ZNF143: variants seen among roughly 807,000 people sequenced by gnomAD.
The protein encoded by ZNF143 is SPH-binding factor.
A neutral mutation model predicts 74.1 loss-of-function variants in ZNF143; 49 were observed. The observed-to-expected ratio is 0.66, with a 90% CI of 0.53 to 0.84. The LOEUF (loss-of-function observed/expected upper bound fraction) is 0.84, where lower values mean the gene tolerates loss of function less well. Among genes scored for constraint, ZNF143 ranks in the 40% least tolerant of loss-of-function variants. The probability of loss-of-function intolerance (pLI) is 0.00; values close to 1 mark genes in which losing one functional copy is unlikely to be tolerated. For synonymous variants in ZNF143, 304 were observed against 282.8 expected (o/e 1.07, Z -0.75); for missense variants, 637 against 793.4 (o/e 0.80, Z 2.37).
At chr11:9,509,355 G>A (rs1027189343) in intron 12 of ZNF143, among the ~76,000 whole-genome samples, 1 of 152,132 alleles carries the variant, frequency 6.6e-6, no homozygotes, top group Admixed American at 6.5e-5. Flanking sequence ...CACTAGAGAA[G>A]TACTCCCAAA....
chr11:9,466,508 G>C (rs947256926), intron 1 of ZNF143, among the ~76,000 whole-genome samples: 39 of 138,550 alleles, frequency 2.8e-4, no homozygotes, highest in East Asian at 1.3e-3. Flanking sequence ...GTTGGCCAGG[G>C]TGGTCTCGAA....
chr11:9,474,039 T>A lies in ZNF143; in HGVS notation c.289+15T>A. On this transcript the variant is annotated intron_variant, in intron 4 of 15. Transcript: ENST00000396602. ...ACCTAAAAGTAGTAAGTATTTAAGATAACAGCACGGGAAACCATTTTAATT... is the reference window on the plus strand; with the variant it reads ...ACCTAAAAGTAGTAAGTATTTAAGAAAACAGCACGGGAAACCATTTTAATT... The A allele has an allele frequency of 6.3e-7, 1 of 1,587,720 alleles. No homozygotes were observed. Among genetic ancestry groups the A allele is most frequent in the Middle Eastern group, 1.8e-4 (1 of 5,444 alleles).
intron 7 of ZNF143, among the ~76,000 whole-genome samples, chr11:9,480,818 C>G (rs1056579394): frequency 1.2e-4 from 18 of 149,600 alleles, no homozygotes; most frequent in Non-Finnish European, 2.1e-4. Flanking sequence ...ACCCAGGAGG[C>G]AGAGGTTGCA....
At chr11:9,512,165 A>G (rs929910480) in intron 12 of ZNF143, among the ~76,000 whole-genome samples, 3 of 152,152 alleles carry the variant, frequency 2.0e-5, no homozygotes, top group Non-Finnish European at 4.4e-5. Flanking sequence ...CACATATAGT[A>G]TCAAGTAATT....
At chr11:9,527,464 T>A (rs1849169812) in intron 15 of ZNF143, 66 bp from the exon 16 acceptor site, 2 of 1,474,296 alleles carry the variant, frequency 1.4e-6, no homozygotes, top group South Asian at 2.3e-5. Context: ...ATATAACATT[T>A]CTTTGGCATT....
chr11:9,474,593 A>G lies in ZNF143; in HGVS notation c.333A>G (p.Leu111=). The change falls in exon 5 of 16, where the codon TTA becomes TTG. Residue 111 remains leucine (L), a synonymous_variant. Coordinates refer to ENST00000396602, the MANE Select transcript of ZNF143 (RefSeq NM_003442.6). ...LRLEDGQAVQ[L]EDGTTAFIHH... is the part of the protein sequence containing the mutation. The stretch of plus-strand genomic sequence containing the variant: ...TAGAGGATGGTCAAGCAGTACAGTT[A>G]GAAGATGGTACCACAGCATTTATTC... 6.2e-7 allele frequency: 1 copy of G among 1,614,214 alleles called. No homozygotes were observed. The highest frequency in any genetic ancestry group is 8.5e-7 in the Non-Finnish European group (1 of 1,180,038).
At chr11:9,511,352 A>C (rs1005327892) in intron 12 of ZNF143, among the ~76,000 whole-genome samples, 2 of 151,824 alleles carry the variant, frequency 1.3e-5, no homozygotes, top group African/African-American at 4.8e-5. Flanking sequence ...GCTGGAGTGC[A>C]GTGGTGCAAT....
In ZNF143 at chr11:9,472,782, C is replaced by T. The variant is rs1401134240; in HGVS notation, c.205+13C>T. 1.9e-6 allele frequency: 3 copies of T among 1,538,568 alleles called. No individual in the cohort carries two copies. Among genetic ancestry groups the T allele is most frequent in the Admixed American group, 2.2e-5 (1 of 46,338 alleles). ...CACAATTCTAAAGGTATGTGCCTCACATATGGCTGATTGGTTAATACCAGT... is the reference window on the plus strand; with the variant it reads ...CACAATTCTAAAGGTATGTGCCTCATATATGGCTGATTGGTTAATACCAGT... On this transcript the variant is annotated intron_variant, in intron 3 of 15. Transcript: ENST00000396602.
At position 9,494,694 on chromosome 11, in the gene ZNF143, A is replaced by G. The variant is rs1384362564; in HGVS notation, c.694A>G (p.Ser232Gly). 1 of 1,613,306 alleles carries G rather than the reference A, an allele frequency of 6.2e-7. No individual in the cohort carries two copies. The highest frequency in any genetic ancestry group is 1.7e-5 in the Admixed American group (1 of 60,000). The change falls in exon 8 of 16, where the codon AGT becomes GGT. Residue 232 changes from serine (S) to glycine (G), a missense_variant. Coordinates refer to ENST00000396602, the MANE Select transcript of ZNF143 (RefSeq NM_003442.6). ...AAGAGTAACTGCTAAATCTCAACAG[A>G]GTGGAGAGAAGGCATTTCGATGTGA... The part of the protein sequence containing the change: ...ATRVTAKSQQ[S>G]GEKAFRCEYD...
chr11:9,476,351 T>C (rs1341086291), intron 5 of ZNF143, among the ~76,000 whole-genome samples: 1 of 152,102 alleles, frequency 6.6e-6, no homozygotes, highest in Non-Finnish European at 1.5e-5. Context: ...GTTACTACTT[T>C]AGAGAATATT....
chr11:9,461,999 T>C (rs1565014504), intron 1 of ZNF143: 1 of 152,232 alleles, frequency 6.6e-6, no homozygotes, highest in Non-Finnish European at 1.5e-5. Flanking sequence ...TCCTGAATCT[T>C]ACCAGAAGAT....
At chr11:9,502,923 T>C (rs1247270670) in intron 11 of ZNF143, among the ~76,000 whole-genome samples, 2 of 152,038 alleles carry the variant, frequency 1.3e-5, no homozygotes, top group Non-Finnish European at 2.9e-5. Context: ...CTCCGCCTCC[T>C]GGGTTCACAC....
chr11:9,517,977 T>C (rs770462348), intron 14 of ZNF143, among the ~76,000 whole-genome samples: 25 of 152,284 alleles, frequency 1.6e-4, no homozygotes, highest in Non-Finnish European at 2.9e-4. Flanking sequence ...TCACACTATA[T>C]ACACACACTA....
intron 13 of ZNF143, among the ~76,000 whole-genome samples, chr11:9,513,703 C>G (rs11042402): frequency 0.05 from 7,682 of 152,272 alleles, 268 homozygotes; most frequent in South Asian, 0.075. Context: ...TGAGACCAGC[C>G]TGGCCAATGT....
In ZNF143 at chr11:9,510,147, T is replaced by C. The variant is rs1423762939; in HGVS notation, c.1375+1301T>C. ...TTTTTTTTTTTTTTTATTTTTGAGA[T>C]GGAGTCTCGCTCTGTTGCCCAGGCT... On this transcript the variant is annotated intron_variant, in intron 12 of 15. Transcript: ENST00000396602. Among the ~76,000 whole-genome samples, 4 of 150,710 alleles carry C rather than the reference T, an allele frequency of 2.7e-5. No individual in the cohort carries two copies. The East Asian group carries it at 7.7e-4, about 29-fold the overall frequency.
rs1849198523 is a variant in ZNF143, at chr11:9,528,400, T to A, written c.*787T>A. ...ACAGTACTGTAATTGGAAATGGCTT[T>A]ACTCTGAAAATTAGGTTAGTGGGTT... On this transcript the variant is annotated 3_prime_UTR_variant, in exon 16 of 16. Coordinates refer to ENST00000396602, the MANE Select transcript of ZNF143 (RefSeq NM_003442.6). 6.6e-6 allele frequency: 1 copy of A among 152,232 alleles called. No individual in the cohort carries two copies. Among genetic ancestry groups the A allele is most frequent in the Admixed American group, 6.5e-5 (1 of 15,282 alleles). 9.4% of individuals were successfully genotyped at this position (152,232 alleles called of 1,614,324 possible). A position where few individuals can be genotyped will look rare whatever the true frequency, so the allele number is the denominator to read the frequency against.
At position 9,502,363 on chromosome 11, in the gene ZNF143, A is replaced by G. The variant is rs538186394; in HGVS notation, c.1147+1093A>G. 2.7e-4 allele frequency among the ~76,000 whole-genome samples: 39 copies of G among 145,804 alleles called. 1 individual carries two copies. In the South Asian group the frequency reaches 8.2e-3, roughly 31 times the overall value. On this transcript the variant is annotated intron_variant, in intron 11 of 15. Transcript: ENST00000396602. ...GGTGGCTCACGCCTGTAATCCCAGCACTTTGGGAGGCCGAAGTGAGCGGAT... is the reference window on the plus strand; with the variant it reads ...GGTGGCTCACGCCTGTAATCCCAGCGCTTTGGGAGGCCGAAGTGAGCGGAT...
intron 7 of ZNF143, among the ~76,000 whole-genome samples, chr11:9,480,893 AAAAAAAG>A (rs1032699566): frequency 1.7e-4 from 26 of 151,988 alleles, no homozygotes; most frequent in African/African-American, 4.8e-4. Context: ...CTCAAAAAAA[AAAAAAAG>A]AAAAAAGAAA....
At chr11:9,478,991 A>G (rs1847133725) in intron 6 of ZNF143, among the ~76,000 whole-genome samples, 1 of 152,206 alleles carries the variant, frequency 6.6e-6, no homozygotes, top group African/African-American at 2.4e-5. Flanking sequence ...GAAATAATAA[A>G]GTGTAAATGG....
Sources: gnomAD v4.1 joint callset for allele counts (sites outside exome capture counted in the v4.1 genomes callset) on GRCh38, gnomAD v4.1.1 for gene constraint, MANE v1.5 for transcripts, NCBI Gene and HGNC (gene_info 2026-07-23, HGNC 2026-07-21) for gene names.